The following NIBAN2 variants were observed in gnomAD, a reference collection of about 807,000 sequenced individuals.
The protein encoded by NIBAN2 is protein Niban 2.
NIBAN2 carries 36 observed loss-of-function variants against 81.8 expected under a neutral mutation model. The observed-to-expected ratio is 0.44, with a 90% CI of 0.34 to 0.58. NIBAN2 has a LOEUF of 0.58. Ranked by LOEUF, NIBAN2 falls within the 20% of genes least tolerant of loss-of-function variation. NIBAN2 has a pLI of 0.02. For missense variants in NIBAN2, 897 were observed against 1,014.1 expected (o/e 0.88, Z 1.57); for synonymous variants, 445 against 441.6 (o/e 1.01, Z -0.10).
chr9:127,508,283 C>T lies in NIBAN2; in HGVS notation c.1435-83G>A. The T allele has an allele frequency of 7.3e-7, 1 of 1,367,848 alleles. No individual in the cohort carries two copies. Among genetic ancestry groups the T allele is most frequent in the Non-Finnish European group, 1.0e-6 (1 of 969,378 alleles). The allele number at this position is 1,367,848 out of a possible 1,614,324, so 84.7% of individuals were successfully genotyped here. On this transcript the variant is annotated intron_variant, in intron 11 of 13. Coordinates refer to ENST00000373312, the MANE Select transcript of NIBAN2 (RefSeq NM_022833.4). This position sits in a 1 kb window ranked among gnomAD's most constrained non-coding sequence, Gnocchi z 6.4. ...GGTAGGACGAGGCCAGTGGTCTGAC[C>T]CAAGCCTCCGAGTCCTCATCCGCAC...
intron 1 of NIBAN2, among the ~76,000 whole-genome samples, chr9:127,578,218 C>T (rs1376894037): frequency 6.7e-6 from 1 of 149,648 alleles, no homozygotes; most frequent in Non-Finnish European, 1.5e-5. Flanking sequence ...TTTAGCTGGG[C>T]GTAGTGGCCT....
At chr9:127,548,969 G>C (rs935208001) in intron 1 of NIBAN2, among the ~76,000 whole-genome samples, 1 of 152,196 alleles carries the variant, frequency 6.6e-6, no homozygotes, top group Non-Finnish European at 1.5e-5. Context: ...GGTAGGGAAG[G>C]CCTCATCACT....
intron 1 of NIBAN2, among the ~76,000 whole-genome samples, chr9:127,532,638 T>G (rs766035897): frequency 1.7e-4 from 26 of 151,420 alleles, no homozygotes; most frequent in Non-Finnish European, 3.5e-4. Flanking sequence ...GAGGGACCTA[T>G]CCGGATAGGT....
At chr9:127,567,771 C>T (rs2132242022) in intron 1 of NIBAN2, among the ~76,000 whole-genome samples, 1 of 152,336 alleles carries the variant, frequency 6.6e-6, no homozygotes, top group South Asian at 2.1e-4. Context: ...AAGTGCCTCT[C>T]CTATGCCAGG....
At chr9:127,554,226 T>C (rs1837626318) in intron 1 of NIBAN2, among the ~76,000 whole-genome samples, 1 of 152,156 alleles carries the variant, frequency 6.6e-6, no homozygotes, top group African/African-American at 2.4e-5. Context: ...GGACTCTCCA[T>C]TCCCCAACCC....
At chr9:127,542,500 C>T (rs530657500) in intron 1 of NIBAN2, among the ~76,000 whole-genome samples, 7 of 152,220 alleles carry the variant, frequency 4.6e-5, no homozygotes, top group Non-Finnish European at 8.8e-5. Context: ...CAAAAGAGAG[C>T]CACGAAGCCA....
chr9:127,554,635 A>C (rs562158962), intron 1 of NIBAN2, among the ~76,000 whole-genome samples: 1 of 133,294 alleles, frequency 7.5e-6, no homozygotes, highest in South Asian at 2.3e-4. Flanking sequence ...ATCTTGGCTC[A>C]CTGCAATCTC....
chr9:127,565,798 A>G (rs184512473), intron 1 of NIBAN2, among the ~76,000 whole-genome samples: 10 of 150,618 alleles, frequency 6.6e-5, no homozygotes, highest in African/African-American at 2.2e-4. Context: ...AAAAAAAAAA[A>G]AAAAAGATGT....
At chr9:127,535,217 G>A (rs1029037356) in intron 1 of NIBAN2, among the ~76,000 whole-genome samples, 1 of 152,212 alleles carries the variant, frequency 6.6e-6, no homozygotes, top group East Asian at 1.9e-4. Flanking sequence ...TGGCCCTCAC[G>A]GAGCAGGCCC....
chr9:127,514,037 G>C (rs1467929420), intron 8 of NIBAN2, among the ~76,000 whole-genome samples: 2 of 152,166 alleles, frequency 1.3e-5, no homozygotes, highest in Non-Finnish European at 2.9e-5. Context: ...GGGAGGCCGA[G>C]GCAGGAAGAT....
upstream of NIBAN2, among the ~76,000 whole-genome samples, chr9:127,571,646 A>G (rs1469143028): frequency 1.3e-5 from 2 of 152,176 alleles, no homozygotes; most frequent in African/African-American, 2.4e-5. Context: ...CAGTGAGCCA[A>G]GATCGTGCCA....
intron 1 of NIBAN2, among the ~76,000 whole-genome samples, chr9:127,554,289 G>T (rs941864867): frequency 6.6e-6 from 1 of 152,132 alleles, no homozygotes; most frequent in Admixed American, 6.5e-5. Context: ...ATAAGCAAGG[G>T]TCTATGCCAG....
chr9:127,544,499 T>A (rs894536020), intron 1 of NIBAN2, among the ~76,000 whole-genome samples: 1 of 152,112 alleles, frequency 6.6e-6, no homozygotes, highest in Non-Finnish European at 1.5e-5. Context: ...ATTTTTTTAA[T>A]TAATTAATTA....
chr9:127,553,911 G>A (rs1588182456), intron 1 of NIBAN2, among the ~76,000 whole-genome samples: 1 of 152,054 alleles, frequency 6.6e-6, no homozygotes, highest in South Asian at 2.1e-4. Flanking sequence ...GGACACCTCC[G>A]GACTGGAGGT....
At chr9:127,541,498 C>T (rs1052993412) in intron 1 of NIBAN2, among the ~76,000 whole-genome samples, 3 of 152,212 alleles carry the variant, frequency 2.0e-5, no homozygotes, top group Non-Finnish European at 4.4e-5. Context: ...TTGGGCAAAA[C>T]CATCTCACCC....
chr9:127,576,269 C>T (rs1202716209), intron 1 of NIBAN2, among the ~76,000 whole-genome samples: 1 of 151,986 alleles, frequency 6.6e-6, no homozygotes, highest in Non-Finnish European at 1.5e-5. Flanking sequence ...GGCCATGACA[C>T]ATCATGGGGT....
chr9:127,565,946 T>TCTCTCTCACACACA (rs751937125), intron 1 of NIBAN2, among the ~76,000 whole-genome samples: 1,512 of 130,560 alleles, frequency 0.012, 48 homozygotes, highest in African/African-American at 0.043. Context: ...TCTCTCTCTC[T>TCTCTCTCACACACA]CACACACACA....
intron 1 of NIBAN2, among the ~76,000 whole-genome samples, chr9:127,537,419 G>GT (rs1235520664): frequency 6.6e-6 from 1 of 152,226 alleles, no homozygotes; most frequent in Non-Finnish European, 1.5e-5. Context: ...AACTTTTATA[G>GT]TTTGAAATAA....
chr9:127,506,767 G>GC lies in NIBAN2; in HGVS notation c.*77dup. The GC allele has an allele frequency of 7.4e-7, 1 of 1,352,338 alleles. No individual in the cohort carries two copies. The highest frequency in any genetic ancestry group is 1.5e-5 in the African/African-American group (1 of 68,606). The allele number at this position is 1,352,338 out of a possible 1,614,324, so 83.8% of individuals were successfully genotyped here. On this transcript the variant is annotated 3_prime_UTR_variant, in exon 14 of 14. Coordinates refer to ENST00000373312, the MANE Select transcript of NIBAN2 (RefSeq NM_022833.4). Reference sequence around the variant, plus strand: ...CCACCCACAAGGCACAGACCAGGGTGCCCTCCCCAGAGCTGAGCCTGCCTG... The same window carrying GC: ...CCACCCACAAGGCACAGACCAGGGTGCCCCTCCCCAGAGCTGAGCCTGCCTG...
Sources: allele counts gnomAD v4.1 joint callset (sites outside exome capture counted in the v4.1 genomes callset), GRCh38; gene constraint gnomAD v4.1.1; non-coding constraint Gnocchi (gnomAD v3.1); transcripts MANE v1.5; gene names NCBI Gene and HGNC (gene_info 2026-07-23, HGNC 2026-07-21).